The following MINAR2 variants were observed in gnomAD, a reference collection of about 807,000 sequenced individuals.
MINAR2 encodes the protein major intrinsically disordered NOTCH2-binding receptor 1-like.
MINAR2 carries 21 observed loss-of-function variants against 16.1 expected under a neutral mutation model. That is an observed-to-expected ratio of 1.31 (90% CI 0.93 to 1.88). The LOEUF (loss-of-function observed/expected upper bound fraction) is 1.88. Ranked by LOEUF, MINAR2 falls within the 40% of genes most tolerant of loss-of-function variation. MINAR2 has a pLI of 0.00. For synonymous variants in MINAR2, 86 were observed against 83.0 expected (o/e 1.04, Z -0.20); for missense variants, 259 against 229.8 (o/e 1.13, Z -0.82).
chr5:129,752,613 C>A (rs1229182199), intron 1 of MINAR2, among the ~76,000 whole-genome samples: 2 of 152,002 alleles, frequency 1.3e-5, no homozygotes, highest in African/African-American at 4.8e-5. Context: ...AGGACAAATA[C>A]CTAATGCATG....
intron 1 of MINAR2, among the ~76,000 whole-genome samples, chr5:129,754,557 A>C (rs1758032097): frequency 6.6e-6 from 1 of 152,138 alleles, no homozygotes; most frequent in African/African-American, 2.4e-5. Context: ...TTATTTTTTC[A>C]GTTCTTCATA....
At chr5:129,754,744 G>C (rs1758034282) in intron 1 of MINAR2, among the ~76,000 whole-genome samples, 1 of 152,098 alleles carries the variant, frequency 6.6e-6, no homozygotes, top group African/African-American at 2.4e-5. Context: ...TTTGAATCCA[G>C]AAAGTGTGTT....
At chr5:129,762,901 G>A (rs992347408) in intron 2 of MINAR2, among the ~76,000 whole-genome samples, 4 of 152,128 alleles carry the variant, frequency 2.6e-5, no homozygotes, top group African/African-American at 9.7e-5. Context: ...TAAGTGGGAA[G>A]GCTCTTTTGT....
At chr5:129,750,721 C>A (rs1305668913) in intron 1 of MINAR2, among the ~76,000 whole-genome samples, 1 of 152,126 alleles carries the variant, frequency 6.6e-6, no homozygotes, top group Non-Finnish European at 1.5e-5. Flanking sequence ...GTTATCCTTT[C>A]ATTAGAATTT....
chr5:129,753,933 G>A (rs902397430), intron 1 of MINAR2, among the ~76,000 whole-genome samples: 2 of 152,122 alleles, frequency 1.3e-5, no homozygotes, highest in African/African-American at 4.8e-5. Context: ...CTTTGCAGGT[G>A]CTTATATTAT....
intron 2 of MINAR2, chr5:129,762,675 G>T: frequency 3.8e-6 from 1 of 266,426 alleles, no homozygotes; most frequent in Non-Finnish European, 8.1e-6. Context: ...TCAACCTTGA[G>T]TAGAAGTTTG....
Position 129,765,657 on chromosome 5 carries a change from C to T in MINAR2, c.*594C>T, listed in dbSNP as rs1758202671. ...TTATTCAAATCTATTCTTATTTCCCCAGTAATCATCTATGATGCCCCAATT... is the reference window on the plus strand; with the variant it reads ...TTATTCAAATCTATTCTTATTTCCCTAGTAATCATCTATGATGCCCCAATT... On this transcript the variant is annotated 3_prime_UTR_variant, in exon 3 of 3. Coordinates refer to ENST00000564719, the MANE Select transcript of MINAR2 (RefSeq NM_001257308.2). 1 of 152,102 alleles carries T rather than the reference C, an allele frequency of 6.6e-6. No homozygotes were observed. The highest frequency in any genetic ancestry group is 2.4e-5 in the African/African-American group (1 of 41,418). 9.4% of individuals were successfully genotyped at this position (152,102 alleles called of 1,614,324 possible).
At chr5:129,764,510 A>G (rs1238510839) in intron 2 of MINAR2, among the ~76,000 whole-genome samples, 1 of 152,212 alleles carries the variant, frequency 6.6e-6, no homozygotes, top group Non-Finnish European at 1.5e-5. Context: ...ACTATGCTGA[A>G]TTACATGCAC....
intron 2 of MINAR2, among the ~76,000 whole-genome samples, chr5:129,761,211 C>T (rs1046242348): frequency 6.6e-6 from 1 of 152,138 alleles, no homozygotes; most frequent in African/African-American, 2.4e-5. Flanking sequence ...TTTGTTTGCC[C>T]CCACTGGTGT....
At chr5:129,754,129 A>G (rs927920604) in intron 1 of MINAR2, among the ~76,000 whole-genome samples, 3 of 152,154 alleles carry the variant, frequency 2.0e-5, no homozygotes, top group African/African-American at 7.2e-5. Flanking sequence ...GGTACCTTGT[A>G]TGTTATAATA....
chr5:129,761,990 A>C (rs1758141915), intron 2 of MINAR2, among the ~76,000 whole-genome samples: 1 of 152,102 alleles, frequency 6.6e-6, no homozygotes, highest in African/African-American at 2.4e-5. Flanking sequence ...CAGGGAGGGG[A>C]ACAACACACG....
At chr5:129,756,746 G>A (rs1351158045) in intron 1 of MINAR2, among the ~76,000 whole-genome samples, 1 of 151,708 alleles carries the variant, frequency 6.6e-6, no homozygotes, top group Non-Finnish European at 1.5e-5. Context: ...TTTATTAGAT[G>A]CATACAAGTT....
At chr5:129,753,841 A>C (rs1758020235) in intron 1 of MINAR2, among the ~76,000 whole-genome samples, 1 of 152,188 alleles carries the variant, frequency 6.6e-6, no homozygotes, top group African/African-American at 2.4e-5. Context: ...AGAGAAAGAA[A>C]GAAGAAAAAG....
chr5:129,766,473 T>G lies in MINAR2; in HGVS notation c.*1410T>G, dbSNP rs990078399. On this transcript the variant is annotated 3_prime_UTR_variant, in exon 3 of 3. Coordinates refer to ENST00000564719, the MANE Select transcript of MINAR2 (RefSeq NM_001257308.2). ...CAACATAGTGAAACCCCGTCTCTAT[T>G]AAAAATACAAAAATTAGCCGGGGCT... 6.6e-6 allele frequency: 1 copy of G among 151,846 alleles called. No homozygotes were observed. The highest frequency in any genetic ancestry group is 1.5e-5 in the Non-Finnish European group (1 of 68,018). 9.4% of individuals were successfully genotyped at this position (151,846 alleles called of 1,614,324 possible).
At chr5:129,762,045 G>A (rs940124108) in intron 2 of MINAR2, among the ~76,000 whole-genome samples, 2 of 152,050 alleles carry the variant, frequency 1.3e-5, no homozygotes, top group African/African-American at 4.8e-5. Context: ...GAGAACATCA[G>A]GACAAATACC....
chr5:129,755,906 T>G (rs1012422823), intron 1 of MINAR2, among the ~76,000 whole-genome samples: 3 of 152,082 alleles, frequency 2.0e-5, no homozygotes, highest in African/African-American at 7.2e-5. Flanking sequence ...CAATGCTTAA[T>G]ACCTTATTAA....
chr5:129,748,594 C>T (rs868109991), intron 1 of MINAR2, among the ~76,000 whole-genome samples: 3 of 152,228 alleles, frequency 2.0e-5, no homozygotes, highest in Middle Eastern at 6.8e-3. Context: ...TCTGCCTATC[C>T]TCATTTTAGA....
At chr5:129,759,455 A>G (rs1426083764) in intron 1 of MINAR2, among the ~76,000 whole-genome samples, 2 of 152,174 alleles carry the variant, frequency 1.3e-5, no homozygotes, top group Non-Finnish European at 2.9e-5. Context: ...CAAATTTTTA[A>G]TTTCTACCTT....
chr5:129,748,384 G>C, intron 1 of MINAR2, 29 bp downstream of exon 1: 1 of 1,525,826 alleles, frequency 6.6e-7, no homozygotes, highest in Non-Finnish European at 8.8e-7. Context: ...AAAATACGGG[G>C]ATGGAGGCTT....
Sources: gnomAD v4.1 joint callset for allele counts (sites outside exome capture counted in the v4.1 genomes callset) on GRCh38, gnomAD v4.1.1 for gene constraint, MANE v1.5 for transcripts, NCBI Gene and HGNC (gene_info 2026-07-23, HGNC 2026-07-21) for gene names.